Variants in SAMD12 observed in about 807,000 individuals in gnomAD.
SAMD12 encodes sterile alpha motif domain containing 12.
Under a neutral mutation model 15.0 loss-of-function variants are expected in SAMD12, and 9 were observed. That is an observed-to-expected ratio of 0.60 (90% confidence interval 0.36 to 1.05). The LOEUF is 1.05. Ranked by LOEUF, SAMD12 falls within the 50% of genes least tolerant of loss-of-function variation. SAMD12 has a pLI of 0.01. For synonymous variants in SAMD12, 86 were observed against 90.1 expected (o/e 0.96, Z 0.25); for missense variants, 230 against 234.2 (o/e 0.98, Z 0.12).
chr8:118,394,481 C>A (rs1820447302), intron 3 of SAMD12, among the ~76,000 whole-genome samples: 1 of 152,180 alleles, frequency 6.6e-6, no homozygotes, highest in Non-Finnish European at 1.5e-5. Flanking sequence ...TTGCCAAAAT[C>A]CTGGACATTG....
At chr8:118,405,271 G>C (rs1210977076) in intron 3 of SAMD12, among the ~76,000 whole-genome samples, 1 of 152,046 alleles carries the variant, frequency 6.6e-6, no homozygotes, top group Non-Finnish European at 1.5e-5. Context: ...TCATGTACAA[G>C]AAAGTTCATG....
intron 3 of SAMD12, among the ~76,000 whole-genome samples, chr8:118,439,162 C>G (rs1023891297): frequency 1.5e-4 from 23 of 152,202 alleles, no homozygotes; most frequent in Admixed American, 1.5e-3. Context: ...CAAGTACTTA[C>G]TGACCTCCAC....
chr8:118,350,355 G>A (rs1817898674), intron 4 of SAMD12, among the ~76,000 whole-genome samples: 1 of 152,130 alleles, frequency 6.6e-6, no homozygotes, highest in South Asian at 2.1e-4. Context: ...ATGCACCAGT[G>A]TATGTCAATC....
chr8:118,547,774 A>C (rs1298336703), intron 2 of SAMD12, among the ~76,000 whole-genome samples: 1 of 152,244 alleles, frequency 6.6e-6, no homozygotes, highest in African/African-American at 2.4e-5. Context: ...TTTTCTTTAA[A>C]GTAATTCCCT....
intron 3 of SAMD12, among the ~76,000 whole-genome samples, chr8:118,436,290 A>G (rs1453748814): frequency 3.3e-5 from 5 of 152,330 alleles, no homozygotes; most frequent in Non-Finnish European, 7.3e-5. Flanking sequence ...CACATTCATC[A>G]TCCCATTTAA....
the SAMD12 span, among the ~76,000 whole-genome samples, chr8:118,136,188 C>A: frequency 5.0e-4 from 76 of 152,192 alleles, no homozygotes; most frequent in African/African-American, 1.5e-3. Flanking sequence ...TGCCACCACA[C>A]CTGGCTAATT....
At chr8:118,147,546 G>A in the SAMD12 span, among the ~76,000 whole-genome samples, 2 of 152,002 alleles carry the variant, frequency 1.3e-5, no homozygotes, top group African/African-American at 4.8e-5. Context: ...CTCTTTAGTA[G>A]AGATGGGGCT....
At chr8:118,520,927 C>T (rs949127622) in intron 2 of SAMD12, among the ~76,000 whole-genome samples, 1 of 152,020 alleles carries the variant, frequency 6.6e-6, no homozygotes, top group Admixed American at 6.6e-5. Flanking sequence ...AAGGGTAAAC[C>T]TATTATGTAG....
intron 2 of SAMD12, among the ~76,000 whole-genome samples, chr8:118,470,301 A>C (rs2130962196): frequency 6.6e-6 from 1 of 152,244 alleles, no homozygotes; most frequent in South Asian, 2.1e-4. Flanking sequence ...TAGGTAATAA[A>C]AAAATAACAT....
chr8:118,558,298 C>T (rs1242655931), intron 2 of SAMD12, among the ~76,000 whole-genome samples: 1 of 152,070 alleles, frequency 6.6e-6, no homozygotes, highest in Admixed American at 6.6e-5. Flanking sequence ...TTTATGTGGT[C>T]TACCTAGGTC....
chr8:118,197,377 G>A, exon 5 of SAMD12: 2 of 385,012 alleles, frequency 5.2e-6, no homozygotes, highest in Non-Finnish European at 9.3e-6. Context: ...TGCTAAAACA[G>A]GACTTCTAGT....
intron 2 of SAMD12, among the ~76,000 whole-genome samples, chr8:118,564,361 G>A (rs1164828517): frequency 2.6e-5 from 4 of 152,238 alleles, no homozygotes; most frequent in Admixed American, 1.3e-4. Context: ...GAAAGTAAAC[G>A]GAAGCAGTGG....
At chr8:118,336,052 C>G (rs1258437639) in intron 4 of SAMD12, among the ~76,000 whole-genome samples, 1 of 152,168 alleles carries the variant, frequency 6.6e-6, no homozygotes, top group African/African-American at 2.4e-5. Flanking sequence ...TTAAAACCAC[C>G]TCATGATGTA....
At chr8:118,170,039 C>A in the SAMD12 span, among the ~76,000 whole-genome samples, 1 of 152,108 alleles carries the variant, frequency 6.6e-6, no homozygotes, top group East Asian at 1.9e-4. Context: ...AACACTAAGA[C>A]TTTTACATTT....
In SAMD12 at chr8:118,454,696, T is replaced by C. The variant is rs539530512; in HGVS notation, c.193-14735A>G. Among the ~76,000 whole-genome samples the C allele has an allele frequency of 2.6e-5, 4 of 152,372 alleles. No homozygotes were observed. In the East Asian group the frequency reaches 7.7e-4, roughly 29 times the overall value. ...AATTGTACAGTTCAGTAGTATTAAG[T>C]ACACACTGTTGTGTAACCATCACCA... On this transcript the variant is annotated intron_variant, in intron 2 of 3. Transcript: ENST00000314727.
chr8:118,215,290 T>G (rs991885406), intron 4 of SAMD12, among the ~76,000 whole-genome samples: 1 of 152,208 alleles, frequency 6.6e-6, no homozygotes, highest in Non-Finnish European at 1.5e-5. Flanking sequence ...AAGAGCTGCA[T>G]AGTTATAGAG....
chr8:118,215,915 C>T (rs910642413), intron 4 of SAMD12, among the ~76,000 whole-genome samples: 18 of 150,888 alleles, frequency 1.2e-4, no homozygotes, highest in African/African-American at 4.1e-4. Flanking sequence ...AATAATGCCG[C>T]AATAAACATA....
chr8:118,571,919 G>A (rs1427458942), intron 2 of SAMD12, among the ~76,000 whole-genome samples: 2 of 152,118 alleles, frequency 1.3e-5, no homozygotes, highest in African/African-American at 2.4e-5. Flanking sequence ...ATGAGAAGAC[G>A]GCCACCATCC....
intron 2 of SAMD12, among the ~76,000 whole-genome samples, chr8:118,522,157 AACACACACACACACACACACATAC>A (rs1313826877): frequency 1.4e-5 from 1 of 69,980 alleles, no homozygotes; most frequent in African/African-American, 5.8e-5. Flanking sequence ...GATTCAGTGA[AACACACACACACACACACACATAC>A]ACACACACAC....
Sources: gnomAD v4.1 joint callset for allele counts (sites outside exome capture counted in the v4.1 genomes callset) on GRCh38, gnomAD v4.1.1 for gene constraint, MANE v1.5 for transcripts, NCBI Gene and HGNC (gene_info 2026-07-23, HGNC 2026-07-21) for gene names.